DTD1: variants seen among roughly 807,000 people sequenced by gnomAD.
DTD1 encodes D-tyrosyl-tRNA deacylase 1 homolog.
Under a neutral mutation model 25.6 loss-of-function variants are expected in DTD1, and 13 were observed. The observed-to-expected ratio is 0.51, with a 90% confidence interval of 0.33 to 0.81. DTD1 has a LOEUF of 0.81. Among genes scored for constraint, DTD1 ranks in the 30% least tolerant of loss-of-function variants. DTD1 has a pLI of 0.02. For synonymous variants in DTD1, 110 were observed against 103.6 expected (o/e 1.06, Z -0.37); for missense variants, 193 against 266.4 (o/e 0.72, Z 1.92).
intron 3 of DTD1, among the ~76,000 whole-genome samples, chr20:18,597,628 G>A (rs1380932674): frequency 6.6e-6 from 1 of 152,242 alleles, no homozygotes; most frequent in African/African-American, 2.4e-5. Context: ...ATTATATAAT[G>A]TGTGGTTTTG....
chr20:18,748,508 G>A (rs1021366292), intron 5 of DTD1, among the ~76,000 whole-genome samples: 1 of 152,124 alleles, frequency 6.6e-6, no homozygotes, highest in African/African-American at 2.4e-5. Flanking sequence ...AGTGTTCTGT[G>A]GCCCCTGGGT....
intron 4 of DTD1, among the ~76,000 whole-genome samples, chr20:18,731,100 T>A (rs1229264842): frequency 2.6e-5 from 4 of 152,246 alleles, no homozygotes; most frequent in Admixed American, 2.0e-4. Context: ...TTCTTAAATT[T>A]CCCTGAGGGT....
At chr20:18,740,930 G>A (rs1411979476) in intron 4 of DTD1, among the ~76,000 whole-genome samples, 3 of 152,140 alleles carry the variant, frequency 2.0e-5, no homozygotes, top group Non-Finnish European at 4.4e-5. Context: ...GAATAGTCAA[G>A]AGAAAAATAT....
intron 4 of DTD1, among the ~76,000 whole-genome samples, chr20:18,729,246 T>C (rs563396052): frequency 3.7e-4 from 57 of 152,366 alleles, no homozygotes; most frequent in Non-Finnish European, 7.5e-4. Flanking sequence ...CAAGTGATCC[T>C]TCCGCCTCAT....
intron 3 of DTD1, among the ~76,000 whole-genome samples, chr20:18,600,185 C>A (rs552129919): frequency 1.1e-4 from 16 of 152,184 alleles, no homozygotes; most frequent in Admixed American, 5.9e-4. Flanking sequence ...ATCATCCTAC[C>A]CAACATAATC....
At chr20:18,667,574 G>T (rs2060936290) in intron 4 of DTD1, among the ~76,000 whole-genome samples, 1 of 152,022 alleles carries the variant, frequency 6.6e-6, no homozygotes, top group African/African-American at 2.4e-5. Flanking sequence ...GTCCCCCCTG[G>T]CATACAGCGG....
intron 4 of DTD1, among the ~76,000 whole-genome samples, chr20:18,699,025 A>G (rs1369634103): frequency 6.6e-6 from 1 of 152,162 alleles, no homozygotes; most frequent in African/African-American, 2.4e-5. Flanking sequence ...CTCTGGGCAG[A>G]GCTGGGTTAC....
intron 3 of DTD1, 116 bp from the exon 4 acceptor site, chr20:18,628,011 T>C (rs982289342): frequency 2.4e-6 from 2 of 824,244 alleles, no homozygotes; most frequent in Non-Finnish European, 3.8e-6. Context: ...TTTTGTAAGT[T>C]TCCCAGTATT....
At chr20:18,648,365 T>C (rs2060858033) in intron 4 of DTD1, among the ~76,000 whole-genome samples, 1 of 152,186 alleles carries the variant, frequency 6.6e-6, no homozygotes, top group Non-Finnish European at 1.5e-5. Flanking sequence ...TCTCTGGGGA[T>C]GGGACCAGAG....
At chr20:18,680,924 C>T (rs1299009522) in intron 4 of DTD1, among the ~76,000 whole-genome samples, 1 of 152,180 alleles carries the variant, frequency 6.6e-6, no homozygotes, top group Non-Finnish European at 1.5e-5. Flanking sequence ...AGTCTTCCAG[C>T]TGTTACTGCG....
At chr20:18,697,464 G>A (rs2061082643) in intron 4 of DTD1, among the ~76,000 whole-genome samples, 1 of 152,134 alleles carries the variant, frequency 6.6e-6, no homozygotes, top group South Asian at 2.1e-4. Context: ...TAAACAAAAT[G>A]CTTGGGATCA....
At chr20:18,648,687 TA>T (rs1395018159) in intron 4 of DTD1, among the ~76,000 whole-genome samples, 2 of 152,052 alleles carry the variant, frequency 1.3e-5, no homozygotes, top group Non-Finnish European at 2.9e-5. Context: ...CAAGGACAAA[TA>T]AAAAATTTAG....
chr20:18,653,670 T>G (rs1402444790), intron 4 of DTD1, among the ~76,000 whole-genome samples: 1 of 152,222 alleles, frequency 6.6e-6, no homozygotes, highest in African/African-American at 2.4e-5. Flanking sequence ...CTTTGGATAG[T>G]AGCTCTGGCA....
intron 4 of DTD1, chr20:18,642,879 C>A: frequency 6.3e-6 from 1 of 158,816 alleles, no homozygotes. Context: ...AATTTGGACT[C>A]TTGACTCTGG....
At chr20:18,601,598 T>G (rs1414800399) in intron 3 of DTD1, among the ~76,000 whole-genome samples, 1 of 148,966 alleles carries the variant, frequency 6.7e-6, no homozygotes, top group Non-Finnish European at 1.5e-5. Flanking sequence ...GACTGCCTCC[T>G]CAAGTGGGTC....
chr20:18,691,344 T>C (rs928883546), intron 4 of DTD1, among the ~76,000 whole-genome samples: 1 of 152,210 alleles, frequency 6.6e-6, no homozygotes, highest in Non-Finnish European at 1.5e-5. Flanking sequence ...CTATTCATTC[T>C]AGCAAAGACA....
At chr20:18,593,869 G>C (rs776412221) in intron 2 of DTD1, 48 bp downstream of exon 2, 66 of 1,475,238 alleles carry the variant, frequency 4.5e-5, no homozygotes, top group Non-Finnish European at 5.7e-5. Flanking sequence ...ATGTGGTGGT[G>C]GTCATGCTGG....
At chr20:18,696,215 A>G (rs2061075428) in intron 4 of DTD1, among the ~76,000 whole-genome samples, 2 of 151,998 alleles carry the variant, frequency 1.3e-5, no homozygotes, top group Admixed American at 1.3e-4. Context: ...TGGGCCTCAT[A>G]TGTCACCTTC....
intron 4 of DTD1, among the ~76,000 whole-genome samples, chr20:18,736,507 T>G (rs934820405): frequency 6.6e-6 from 1 of 152,262 alleles, no homozygotes; most frequent in Non-Finnish European, 1.5e-5. Flanking sequence ...AGGTGCTTCA[T>G]GAGTGATGCT....
Sources: allele counts gnomAD v4.1 joint callset (sites outside exome capture counted in the v4.1 genomes callset), GRCh38; gene constraint gnomAD v4.1.1; transcripts MANE v1.5; gene names NCBI Gene and HGNC (gene_info 2026-07-23, HGNC 2026-07-21).